GLIS3: variants seen among roughly 807,000 people sequenced by gnomAD.
The protein encoded by GLIS3 is GLIS family zinc finger 3, also known as zinc finger protein GLIS3.
Under a neutral mutation model 78.6 loss-of-function variants are expected in GLIS3, and 53 were observed. That is an observed-to-expected ratio of 0.67 (90% CI 0.54 to 0.85). The LOEUF is 0.85. GLIS3 is among the 40% of genes least tolerant of loss of function. The pLI is 0.00. For synonymous variants in GLIS3, 684 were observed against 509.9 expected, an observed-to-expected ratio of 1.34 and a Z score of -4.60; for missense variants, 1,703 against 1,231.1, an observed-to-expected ratio of 1.38 and a Z score of -5.74.
the GLIS3 span, among the ~76,000 whole-genome samples, chr9:4,391,551 G>C: frequency 2.4e-5 from 2 of 84,916 alleles, no homozygotes; most frequent in African/African-American, 1.1e-4. Context: ...TCTAAGAGGG[G>C]TGTGTGTGTG....
At position 3,828,301 on chromosome 9, in the gene GLIS3, G is replaced by T. The variant is rs1385851012; in HGVS notation, c.2764C>A (p.Gln922Lys). 6.2e-7 allele frequency: 1 copy of T among 1,614,106 alleles called. No homozygotes were observed. The highest frequency in any genetic ancestry group is 8.5e-7 in the Non-Finnish European group (1 of 1,180,008). Residue 922 changes from glutamine to lysine, a missense_variant, in exon 11 of 11, where the codon CAG becomes AAG. Transcript: ENST00000381971. Reference protein sequence around the residue: ...QISTVDRCPSQLSSVYTEG With the variant: ...QISTVDRCPSKLSSVYTEG ...CCTTCGGTGTAGACAGAGGAGAGCT[G>T]GCTAGGACAGCGGTCCACGGTGCTG... is the stretch of plus-strand genomic sequence containing the variant.
At chr9:4,367,252 T>G in the GLIS3 span, among the ~76,000 whole-genome samples, 1 of 152,200 alleles carries the variant, frequency 6.6e-6, no homozygotes, top group Non-Finnish European at 1.5e-5. Flanking sequence ...CCCTCTCGCT[T>G]TACATTTGTT....
chr9:4,341,879 T>C (rs547150358), intron 2 of GLIS3, among the ~76,000 whole-genome samples: 1 of 152,396 alleles, frequency 6.6e-6, no homozygotes, highest in African/African-American at 2.4e-5. Context: ...ACATGCTTGT[T>C]GACCACGTAT....
intron 4 of GLIS3, among the ~76,000 whole-genome samples, chr9:4,021,706 G>C (rs988585593): frequency 6.6e-6 from 1 of 152,160 alleles, no homozygotes; most frequent in African/African-American, 2.4e-5. Flanking sequence ...GGGGCTTAGA[G>C]ACTTTCCTTG....
intron 2 of GLIS3, among the ~76,000 whole-genome samples, chr9:4,218,951 C>T (rs562489907): frequency 1.9e-4 from 29 of 152,212 alleles, no homozygotes; most frequent in Non-Finnish European, 4.0e-4. Flanking sequence ...ATTCTTTCTC[C>T]TTTTCTAGAA....
the GLIS3 span, among the ~76,000 whole-genome samples, chr9:4,453,357 A>AAAG: frequency 5.5e-5 from 8 of 146,708 alleles, no homozygotes; most frequent in East Asian, 3.9e-4. Context: ...AAAAAAAAAA[A>AAAG]AAAAAAAGAA....
chr9:3,935,374 T>A (rs879289523), intron 5 of GLIS3, among the ~76,000 whole-genome samples: 3 of 152,024 alleles, frequency 2.0e-5, no homozygotes. Context: ...TTAAAAGCGA[T>A]TGCATTAACA....
Position 4,262,624 on chromosome 9 carries a change from T to C in GLIS3, c.388+23414A>G, listed in dbSNP as rs549026322. ...CTATTTGAAAAGAAAAAGATATAAATTGATGAGAAGGTGGTATTTTTATTT... is the reference window on the plus strand; with the variant it reads ...CTATTTGAAAAGAAAAAGATATAAACTGATGAGAAGGTGGTATTTTTATTT... On this transcript the variant is annotated intron_variant, in intron 2 of 10. Transcript: ENST00000381971. Among the ~76,000 whole-genome samples the C allele has an allele frequency of 2.6e-5, 4 of 152,244 alleles. No individual in the cohort carries two copies. The South Asian group carries it at 6.2e-4, about 24-fold the overall frequency.
chr9:4,186,124 A>G (rs374179907), intron 2 of GLIS3, among the ~76,000 whole-genome samples: 3 of 149,748 alleles, frequency 2.0e-5, no homozygotes, highest in Non-Finnish European at 3.0e-5. Flanking sequence ...AGCATTAGGT[A>G]TATCTCCTAA....
intron 4 of GLIS3, among the ~76,000 whole-genome samples, chr9:4,097,972 T>C (rs1416321339): frequency 6.6e-6 from 1 of 152,210 alleles, no homozygotes; most frequent in African/African-American, 2.4e-5. Context: ...GTATTTGTCA[T>C]ATTACTCTTA....
the GLIS3 span, among the ~76,000 whole-genome samples, chr9:4,467,634 C>T: frequency 6.6e-6 from 1 of 152,270 alleles, no homozygotes; most frequent in Non-Finnish European, 1.5e-5. Flanking sequence ...ATCTGTACAT[C>T]ACCATCATCA....
the GLIS3 span, among the ~76,000 whole-genome samples, chr9:4,482,974 C>T: frequency 1.3e-5 from 2 of 152,140 alleles, no homozygotes; most frequent in African/African-American, 4.8e-5. Flanking sequence ...AACATTCTAA[C>T]AAGTCTTTCA....
intron 1 of GLIS3, among the ~76,000 whole-genome samples, chr9:4,293,757 GA>G (rs934266321): frequency 6.6e-6 from 1 of 152,158 alleles, no homozygotes; most frequent in African/African-American, 2.4e-5. Flanking sequence ...CTTTATCATG[GA>G]GCATAGGACA....
chr9:3,937,625 T>C (rs1190655842), intron 4 of GLIS3, among the ~76,000 whole-genome samples: 1 of 152,146 alleles, frequency 6.6e-6, no homozygotes, highest in Admixed American at 6.5e-5. Flanking sequence ...CAGAGTGATA[T>C]ATGAGAAAAA....
Position 3,940,220 on chromosome 9 carries a change from T to C in GLIS3, c.1711-3031A>G, listed in dbSNP as rs185792946. Reference sequence around the variant, plus strand: ...GCTTATAAAAGATTGTTACAAAATATACCAAAATTGGATTCTTTGACTTTT... The same window carrying C: ...GCTTATAAAAGATTGTTACAAAATACACCAAAATTGGATTCTTTGACTTTT... On this transcript the variant is annotated intron_variant, in intron 4 of 10. Coordinates refer to ENST00000381971, the MANE Select transcript of GLIS3 (RefSeq NM_001042413.2). Among the ~76,000 whole-genome samples the C allele has an allele frequency of 7.9e-5, 12 of 152,348 alleles. No individual in the cohort carries two copies. In the East Asian group the frequency reaches 1.9e-3, roughly 24 times the overall value.
chr9:4,085,830 T>G (rs1218288487), intron 4 of GLIS3, among the ~76,000 whole-genome samples: 2 of 152,190 alleles, frequency 1.3e-5, no homozygotes, highest in African/African-American at 4.8e-5. Context: ...CTGCTTCCCC[T>G]TCCGCCATGA....
chr9:4,212,655 A>C (rs1253285279), intron 2 of GLIS3, among the ~76,000 whole-genome samples: 1 of 152,208 alleles, frequency 6.6e-6, no homozygotes, highest in Non-Finnish European at 1.5e-5. Context: ...AACTATGGAA[A>C]CAAGGATGAG....
In GLIS3 at chr9:3,898,706, G is replaced by A. The variant is rs753170924; in HGVS notation, c.2113C>T (p.Pro705Ser). 6.2e-7 allele frequency: 1 copy of A among 1,614,130 alleles called. No individual in the cohort carries two copies. Among genetic ancestry groups the A allele is most frequent in the Non-Finnish European group, 8.5e-7 (1 of 1,180,016 alleles). ...CTGTCTTTACCTGAATAGAGGTCAGGCCCGGGTCCAGGGGAGCGTCCCACG... is the reference window on the plus strand; with the variant it reads ...CTGTCTTTACCTGAATAGAGGTCAGACCCGGGTCCAGGGGAGCGTCCCACG... ...GTVGRSPGPG[P>S]DLYSAPIFSS... The change falls in exon 7 of 11, where the codon CCT (proline) becomes TCT (serine). Residue 705 changes from proline (P) to serine (S), a missense_variant. Pro to Ser is a moderately conservative substitution (Grantham distance 74). Coordinates refer to ENST00000381971, the MANE Select transcript of GLIS3 (RefSeq NM_001042413.2).
chr9:4,262,359 G>C (rs1388520278), intron 2 of GLIS3, among the ~76,000 whole-genome samples: 1 of 152,106 alleles, frequency 6.6e-6, no homozygotes, highest in East Asian at 1.9e-4. Flanking sequence ...ACAGAGTGCT[G>C]AGTGGCATGG....
Sources: gnomAD v4.1 joint callset for allele counts (sites outside exome capture counted in the v4.1 genomes callset) on GRCh38, gnomAD v4.1.1 for gene constraint, MANE v1.5 for transcripts, NCBI Gene and HGNC (gene_info 2026-07-23, HGNC 2026-07-21) for gene names.